The following RGPD2 variants were observed in gnomAD, a reference collection of about 807,000 sequenced individuals.
The protein encoded by RGPD2 is RANBP2 like and GRIP domain containing 2, also known as RANBP2-like and GRIP domain-containing protein 2.
A neutral mutation model predicts 36.0 loss-of-function variants in RGPD2; 2 were observed. That is an observed-to-expected ratio of 0.06 (90% confidence interval 0.02 to 0.17). The LOEUF (loss-of-function observed/expected upper bound fraction) is 0.17. Among genes scored for constraint, RGPD2 ranks in the 10% least tolerant of loss-of-function variants. The pLI is 1.00. For synonymous variants in RGPD2, 19 were observed against 163.8 expected (o/e 0.12, Z 6.75); for missense variants, 40 against 464.3 (o/e 0.09, Z 8.40).
chr2:87,870,158 T>A, the RGPD2 span, among the ~76,000 whole-genome samples: 1 of 152,296 alleles, frequency 6.6e-6, no homozygotes, highest in African/African-American at 2.4e-5. Context: ...TTTTAAATGT[T>A]ATGTATTTTA....
At chr2:87,932,337 A>ATG in the RGPD2 span, among the ~76,000 whole-genome samples, 3 of 83,388 alleles carry the variant, frequency 3.6e-5, no homozygotes, top group South Asian at 3.5e-4. Context: ...TTTTGAACCT[A>ATG]TGTGTGTCTT....
chr2:87,876,114 T>C, the RGPD2 span, among the ~76,000 whole-genome samples: 3 of 151,786 alleles, frequency 2.0e-5, no homozygotes, highest in Admixed American at 6.6e-5. Context: ...TCTGTATTAA[T>C]CTAGCTAGCA....
chr2:87,826,196 A>G (rs1686806267), upstream of RGPD2, among the ~76,000 whole-genome samples: 1 of 152,206 alleles, frequency 6.6e-6, no homozygotes, highest in Admixed American at 6.5e-5. Context: ...CTATAGGAAC[A>G]CACAGCTAGT....
chr2:87,857,484 A>G, the RGPD2 span, among the ~76,000 whole-genome samples: 1 of 151,560 alleles, frequency 6.6e-6, no homozygotes, highest in Non-Finnish European at 1.5e-5. Flanking sequence ...CTGGGACTAC[A>G]GGCGCCCGCC....
the RGPD2 span, among the ~76,000 whole-genome samples, chr2:87,888,312 A>G: frequency 2.0e-5 from 3 of 151,618 alleles, no homozygotes; most frequent in Non-Finnish European, 1.5e-5. Flanking sequence ...TAAAGTAACT[A>G]ATTTCTTTCA....
chr2:87,971,465 A>ATATAATATGAATAT, the RGPD2 span, among the ~76,000 whole-genome samples: 2 of 126,916 alleles, frequency 1.6e-5, no homozygotes, highest in Admixed American at 9.1e-5. Context: ...ATATATAAAT[A>ATATAATATGAATAT]TATATATAAT....
chr2:87,975,167 G>A, the RGPD2 span, among the ~76,000 whole-genome samples: 24,622 of 150,986 alleles, frequency 0.16, 2,544 homozygotes, highest in Non-Finnish European at 0.23. Flanking sequence ...TTCCTCAAAT[G>A]TCTTGGGTCT....
At chr2:87,826,264 A>G (rs1356704881), upstream of RGPD2, among the ~76,000 whole-genome samples, 1 of 150,812 alleles carries the variant, frequency 6.6e-6, no homozygotes, top group Non-Finnish European at 1.5e-5. Context: ...TTGTAGCAAC[A>G]TAGCTGATTC....
At chr2:87,958,529 TATGTA>T in the RGPD2 span, among the ~76,000 whole-genome samples, 1 of 152,296 alleles carries the variant, frequency 6.6e-6, no homozygotes, top group Non-Finnish European at 1.5e-5. Context: ...ATTAAAATGT[TATGTA>T]ATTAAATGCT....
chr2:87,813,206 G>C (rs2104348940), intron 4 of RGPD2, among the ~76,000 whole-genome samples: 1 of 152,008 alleles, frequency 6.6e-6, no homozygotes, highest in Middle Eastern at 3.4e-3. Context: ...ATTACTGTTT[G>C]CTTACAGATC....
At chr2:87,769,085 A>T (rs1685031620) in intron 22 of RGPD2, among the ~76,000 whole-genome samples, 1 of 75,980 alleles carries the variant, frequency 1.3e-5, no homozygotes, top group Non-Finnish European at 2.6e-5. Context: ...CTCCTACCTC[A>T]GCCTCCCAAG....
chr2:87,807,436 G>A (rs1333540055), intron 6 of RGPD2, among the ~76,000 whole-genome samples: 6 of 146,796 alleles, frequency 4.1e-5, no homozygotes, highest in African/African-American at 1.3e-4. Context: ...GCCTGGGCTG[G>A]AGTGTAATGG....
the RGPD2 span, among the ~76,000 whole-genome samples, chr2:87,905,398 A>G: frequency 6.6e-6 from 1 of 152,252 alleles, no homozygotes; most frequent in African/African-American, 2.4e-5. Flanking sequence ...TGAATGTTGT[A>G]TTAAATCCGA....
At chr2:87,951,773 T>C in the RGPD2 span, among the ~76,000 whole-genome samples, 104,378 of 118,138 alleles carry the variant, frequency 0.88, 46,080 homozygotes, top group East Asian at 0.99. Flanking sequence ...TTAGTAGAGA[T>C]GGGGTTTCAC....
chr2:87,853,946 T>A, the RGPD2 span, among the ~76,000 whole-genome samples: 1 of 152,234 alleles, frequency 6.6e-6, no homozygotes, highest in Non-Finnish European at 1.5e-5. Flanking sequence ...TGTAATTGAG[T>A]AAGTATTGTA....
chr2:87,913,508 T>C, the RGPD2 span, among the ~76,000 whole-genome samples: 3 of 150,780 alleles, frequency 2.0e-5, no homozygotes, highest in African/African-American at 4.9e-5. Context: ...CAAACCTGCA[T>C]GTTGTGCACA....
At chr2:87,988,765 T>G in the RGPD2 span, among the ~76,000 whole-genome samples, 1 of 151,752 alleles carries the variant, frequency 6.6e-6, no homozygotes, top group Non-Finnish European at 1.5e-5. Context: ...GGTCTCGAAC[T>G]ACCGACCTCA....
the RGPD2 span, among the ~76,000 whole-genome samples, chr2:87,920,191 A>C: frequency 6.6e-6 from 1 of 152,138 alleles, no homozygotes; most frequent in South Asian, 2.1e-4. Context: ...GTATTTGATG[A>C]GTAATAATGC....
At chr2:87,957,237 G>C in the RGPD2 span, among the ~76,000 whole-genome samples, 486 of 7,476 alleles carry the variant, frequency 0.065, 6 homozygotes, top group Middle Eastern at 0.17. Context: ...CAAGGTCACT[G>C]GGGGGGGGCT....
Sources: allele counts gnomAD v4.1 joint callset (sites outside exome capture counted in the v4.1 genomes callset), GRCh38; gene constraint gnomAD v4.1.1; transcripts MANE v1.5; gene names NCBI Gene and HGNC (gene_info 2026-07-23, HGNC 2026-07-21).